The following DYM variants were observed in gnomAD, a reference collection of about 807,000 sequenced individuals.
DYM encodes the protein dymeclin.
A neutral mutation model predicts 93.1 loss-of-function variants in DYM; 78 were observed. That is an observed-to-expected ratio of 0.84 (90% confidence interval 0.70 to 1.01). The LOEUF is 1.01. Among genes scored for constraint, DYM ranks in the 50% least tolerant of loss-of-function variants. The pLI is 0.00. For synonymous variants in DYM, 321 were observed against 319.7 expected (o/e 1.00, Z -0.04); for missense variants, 789 against 845.0 (o/e 0.93, Z 0.82).
At chr18:49,280,873 A>G (rs2094955136) in intron 10 of DYM, among the ~76,000 whole-genome samples, 1 of 152,230 alleles carries the variant, frequency 6.6e-6, no homozygotes, top group Non-Finnish European at 1.5e-5. Context: ...AGGCAATACC[A>G]TTCAGGACAT....
rs2087486797 is a variant in DYM, at chr18:49,163,707, T to C, written c.1706A>G (p.Asn569Ser). 1 of 1,612,192 alleles carries C rather than the reference T, an allele frequency of 6.2e-7. No homozygotes were observed. Among genetic ancestry groups the C allele is most frequent in the South Asian group, 1.1e-5 (1 of 90,856 alleles). Residue 569 changes from asparagine (N) to serine (S), a missense_variant, in exon 15 of 18, where the codon AAT (asparagine) becomes AGT (serine). By Grantham distance (46) the Asn-to-Ser change is conservative (BLOSUM62 1). Around this residue, in one of 3 missense-constraint regions of DYM, gnomAD observed 225 missense variants for 303.0 expected, o/e 0.74. Transcript: ENST00000675505. ...TACATAATCTGGTAGAGGAACATCA[T>C]TAGAACTCAGCGAACCTCTCAAGGA... ...TQSLRGSLSS[N>S]DVPLPDYAQD...
intron 17 of DYM, among the ~76,000 whole-genome samples, chr18:49,079,470 C>T (rs1453102446): frequency 1.3e-5 from 2 of 151,006 alleles, no homozygotes; most frequent in Non-Finnish European, 2.9e-5. Flanking sequence ...TTGGCAGGGT[C>T]ATAGGACAAT....
intron 2 of DYM, among the ~76,000 whole-genome samples, chr18:49,423,409 A>T (rs1419419655): frequency 4.6e-5 from 7 of 152,240 alleles, no homozygotes; most frequent in Non-Finnish European, 1.0e-4. Context: ...GTAGAGGGAA[A>T]TTTATAGCAC....
At chr18:49,045,144 T>C (rs1453152695) in intron 17 of DYM, among the ~76,000 whole-genome samples, 1 of 151,630 alleles carries the variant, frequency 6.6e-6, no homozygotes, top group East Asian at 1.9e-4. Flanking sequence ...TTGTCCCAGG[T>C]TGGGTGGGGA....
At chr18:49,316,797 A>G (rs1025146583) in intron 8 of DYM, among the ~76,000 whole-genome samples, 1 of 152,098 alleles carries the variant, frequency 6.6e-6, no homozygotes, top group Admixed American at 6.5e-5. Flanking sequence ...ATGTCATATA[A>G]TTTGAATCAT....
intron 8 of DYM, among the ~76,000 whole-genome samples, chr18:49,319,874 G>A (rs1159259907): frequency 1.3e-5 from 2 of 152,184 alleles, no homozygotes; most frequent in Non-Finnish European, 2.9e-5. Flanking sequence ...GAAGTGAGAT[G>A]AAGGCTGCTA....
chr18:49,077,109 C>T (rs991723114), intron 17 of DYM, among the ~76,000 whole-genome samples: 3 of 152,036 alleles, frequency 2.0e-5, no homozygotes, highest in African/African-American at 4.8e-5. Context: ...CTGACTGTTC[C>T]CCTATTTTTT....
intron 1 of DYM, among the ~76,000 whole-genome samples, chr18:49,457,773 G>T (rs1156283975): frequency 6.6e-6 from 1 of 152,192 alleles, no homozygotes; most frequent in African/African-American, 2.4e-5. Context: ...CTCGAGGGGG[G>T]ATTTATCCTG....
At chr18:49,150,090 C>T (rs191316808) in intron 15 of DYM, among the ~76,000 whole-genome samples, 12 of 152,184 alleles carry the variant, frequency 7.9e-5, no homozygotes, top group Non-Finnish European at 1.3e-4. Context: ...TAACTTATAG[C>T]GCATTCATAA....
At chr18:49,157,933 T>G (rs909073304) in intron 15 of DYM, among the ~76,000 whole-genome samples, 1 of 152,230 alleles carries the variant, frequency 6.6e-6, no homozygotes, top group Admixed American at 6.5e-5. Context: ...TTAATTCTTG[T>G]GTATAGAATG....
intron 17 of DYM, among the ~76,000 whole-genome samples, chr18:49,080,584 C>T (rs540493231): frequency 7.6e-5 from 8 of 105,838 alleles, no homozygotes; most frequent in East Asian, 6.1e-4. Context: ...GCTGGCCGGG[C>T]GGGGGCTGAC....
chr18:49,387,258 G>C (rs912504497), intron 3 of DYM, among the ~76,000 whole-genome samples: 1 of 151,372 alleles, frequency 6.6e-6, no homozygotes, highest in Admixed American at 6.6e-5. Flanking sequence ...ATCTGTTATA[G>C]TGATCTCTAA....
chr18:49,218,112 C>CT (rs2093165207), intron 13 of DYM, among the ~76,000 whole-genome samples: 1 of 152,052 alleles, frequency 6.6e-6, no homozygotes. Context: ...ATCCTAGTGT[C>CT]TGATAAAACA....
intron 14 of DYM, among the ~76,000 whole-genome samples, chr18:49,203,329 G>A (rs2092251984): frequency 1.2e-5 from 1 of 81,796 alleles, no homozygotes; most frequent in Non-Finnish European, 2.7e-5. Context: ...CCCTCTGCCC[G>A]GCCACCACCC....
At chr18:49,160,021 TA>T (rs1013672159) in intron 15 of DYM, among the ~76,000 whole-genome samples, 4 of 151,634 alleles carry the variant, frequency 2.6e-5, no homozygotes, top group Non-Finnish European at 5.9e-5. Flanking sequence ...TCATTTTTAT[TA>T]AAAAAAAATC....
intron 8 of DYM, among the ~76,000 whole-genome samples, chr18:49,326,992 C>CGTGTGTGTGTGT (rs10584298): frequency 5.4e-5 from 5 of 93,312 alleles, no homozygotes; most frequent in African/African-American, 1.3e-4. Context: ...TTTAAAAAAC[C>CGTGTGTGTGTGT]GTGTGTGTGT....
intron 10 of DYM, among the ~76,000 whole-genome samples, chr18:49,281,564 C>A (rs1441951513): frequency 6.6e-6 from 1 of 152,150 alleles, no homozygotes; most frequent in African/African-American, 2.4e-5. Context: ...AAATGTCCAA[C>A]AATGATAGAC....
intron 1 of DYM, among the ~76,000 whole-genome samples, chr18:49,454,012 C>G (rs1384322891): frequency 6.6e-6 from 1 of 152,122 alleles, no homozygotes; most frequent in Non-Finnish European, 1.5e-5. Flanking sequence ...GTGTTACAAC[C>G]CATCAGAATA....
chr18:49,432,585 G>T, intron 1 of DYM, among the ~76,000 whole-genome samples: 2 of 144,668 alleles, frequency 1.4e-5, no homozygotes, highest in African/African-American at 5.1e-5. Flanking sequence ...TTCATAGCTA[G>T]TACCAGCATT....
Sources: gnomAD v4.1 joint callset for allele counts (sites outside exome capture counted in the v4.1 genomes callset) on GRCh38, gnomAD v4.1.1 for gene constraint, gnomAD v4.1.1 regional missense constraint, MANE v1.5 for transcripts, NCBI Gene and HGNC (gene_info 2026-07-23, HGNC 2026-07-21) for gene names.